RIN2: variants seen among roughly 807,000 people sequenced by gnomAD.
RIN2 encodes Ras and Rab interactor 2.
Under a neutral mutation model 78.0 loss-of-function variants are expected in RIN2, and 36 were observed. The observed-to-expected ratio is 0.46, with a 90% CI of 0.35 to 0.61. The LOEUF is 0.61. RIN2 is among the 20% of genes least tolerant of loss of function. The pLI, the probability that RIN2 is intolerant of heterozygous loss-of-function variation, is 0.00. For synonymous variants in RIN2, 466 were observed against 466.8 expected, an observed-to-expected ratio of 1.00 and a Z score of 0.02; for missense variants, 1,087 against 1,159.7, an observed-to-expected ratio of 0.94 and a Z score of 0.91.
intron 2 of RIN2, among the ~76,000 whole-genome samples, chr20:19,863,720 G>C (rs1030880498): frequency 7.2e-5 from 11 of 152,168 alleles, no homozygotes; most frequent in African/African-American, 2.4e-4. Context: ...TTGCTTCTGG[G>C]AGAAGGCAAA....
intron 4 of RIN2, among the ~76,000 whole-genome samples, chr20:19,939,470 G>A (rs2040775830): frequency 6.6e-6 from 1 of 152,202 alleles, no homozygotes; most frequent in African/African-American, 2.4e-5. Flanking sequence ...GCAGCATGGT[G>A]AACCTTTTAG....
chr20:19,814,019 G>C (rs1214791279), intron 2 of RIN2, among the ~76,000 whole-genome samples: 3 of 152,174 alleles, frequency 2.0e-5, no homozygotes, highest in Non-Finnish European at 2.9e-5. Context: ...ACAGCAAAAT[G>C]TGCTAAATAG....
At chr20:19,942,661 G>A (rs1307935875) in intron 4 of RIN2, among the ~76,000 whole-genome samples, 1 of 152,178 alleles carries the variant, frequency 6.6e-6, no homozygotes, top group Non-Finnish European at 1.5e-5. Context: ...CATTTAAATG[G>A]TAGATCATGC....
intron 2 of RIN2, among the ~76,000 whole-genome samples, chr20:19,813,345 G>A (rs542796099): frequency 6.6e-6 from 1 of 152,332 alleles, no homozygotes; most frequent in Admixed American, 6.5e-5. Context: ...TAGGTCAGTT[G>A]GCTTGTACTT....
In RIN2 at chr20:19,827,500, A is replaced by G. The variant is rs146861536; in HGVS notation, c.-37+27753A>G. The stretch of plus-strand genomic sequence containing the variant: ...TACTGCCTTCTCTGTTTTTGAAGCC[A>G]AGGACCAACATTATCTACCAGCTTT... On this transcript the variant is annotated intron_variant, in intron 2 of 12. Coordinates refer to ENST00000255006, the MANE Select transcript of RIN2 (RefSeq NM_018993.4). Among the ~76,000 whole-genome samples the G allele has an allele frequency of 7.6e-4, 116 of 152,326 alleles. 2 individuals are homozygous for G. In the East Asian group the frequency reaches 0.021, roughly 28 times the overall value.
chr20:19,842,059 C>A (rs1174590471), intron 2 of RIN2, among the ~76,000 whole-genome samples: 1 of 152,182 alleles, frequency 6.6e-6, no homozygotes, highest in East Asian at 1.9e-4. Flanking sequence ...GGGGCTAATG[C>A]AGTTGGCAAC....
At chr20:19,966,619 G>T (rs777520733) in intron 7 of RIN2, among the ~76,000 whole-genome samples, 1 of 152,052 alleles carries the variant, frequency 6.6e-6, no homozygotes, top group Non-Finnish European at 1.5e-5. Context: ...CACCATGCCC[G>T]GCCAGGAGCC....
chr20:19,960,862 T>C, intron 6 of RIN2, 51 bp downstream of exon 6: 2 of 1,153,552 alleles, frequency 1.7e-6, no homozygotes, highest in Non-Finnish European at 2.5e-6. Context: ...CACGGGGCTC[T>C]GCAGGGAGTG....
At chr20:19,945,681 T>A (rs1432955367) in intron 4 of RIN2, among the ~76,000 whole-genome samples, 1 of 152,134 alleles carries the variant, frequency 6.6e-6, no homozygotes, top group Non-Finnish European at 1.5e-5. Context: ...ATCTTTCTTA[T>A]CATTTTTTTT....
chr20:19,773,010 T>G (rs1283372301), intron 1 of RIN2, among the ~76,000 whole-genome samples: 5 of 152,166 alleles, frequency 3.3e-5, no homozygotes, highest in African/African-American at 7.2e-5. Flanking sequence ...CAACAGAAAT[T>G]TATTGTCTCA....
intron 6 of RIN2, among the ~76,000 whole-genome samples, chr20:19,962,629 C>A (rs953426400): frequency 6.6e-6 from 1 of 152,224 alleles, no homozygotes; most frequent in Admixed American, 6.5e-5. Flanking sequence ...GGCCTGGGTC[C>A]CACTGCAATG....
At chr20:19,991,135 G>A (rs758519011) in intron 10 of RIN2, among the ~76,000 whole-genome samples, 21 of 152,192 alleles carry the variant, frequency 1.4e-4, no homozygotes, top group Admixed American at 6.5e-5. Context: ...AACACAGGCT[G>A]TATTAACCAC....
At chr20:19,866,412 C>A (rs1472290622) in intron 2 of RIN2, among the ~76,000 whole-genome samples, 1 of 152,052 alleles carries the variant, frequency 6.6e-6, no homozygotes, top group Non-Finnish European at 1.5e-5. Flanking sequence ...TTCTTGTAAC[C>A]TCTGAAAAGA....
At chr20:19,861,574 A>ATGATCACCCTCCATATCTGG (rs1568551655) in intron 2 of RIN2, among the ~76,000 whole-genome samples, 16 of 148,288 alleles carry the variant, frequency 1.1e-4, no homozygotes, top group African/African-American at 3.0e-4. Context: ...TCCATATCTG[A>ATGATCACCCTCCATATCTGG]TGATCACCCT....
chr20:19,845,902 G>T (rs1392717941), intron 2 of RIN2, among the ~76,000 whole-genome samples: 1 of 152,158 alleles, frequency 6.6e-6, no homozygotes, highest in Non-Finnish European at 1.5e-5. Flanking sequence ...GTTAATTTCT[G>T]TATAAGGTTT....
At chr20:19,871,626 G>A (rs994421077) in intron 2 of RIN2, among the ~76,000 whole-genome samples, 2 of 152,202 alleles carry the variant, frequency 1.3e-5, no homozygotes, top group African/African-American at 2.4e-5. Context: ...TTGGCTGGGA[G>A]TTAGGGCATG....
At chr20:19,770,505 T>A (rs1600409222) in intron 1 of RIN2, among the ~76,000 whole-genome samples, 1 of 152,194 alleles carries the variant, frequency 6.6e-6, no homozygotes, top group East Asian at 1.9e-4. Context: ...AATGAGCATT[T>A]CTAAGGGGAC....
At chr20:19,822,178 C>T (rs2035945822) in intron 2 of RIN2, among the ~76,000 whole-genome samples, 1 of 152,100 alleles carries the variant, frequency 6.6e-6, no homozygotes, top group Non-Finnish European at 1.5e-5. Flanking sequence ...TCCTGGGAGA[C>T]CTGCAGACTA....
rs767397919 is a variant in RIN2 at position 20,000,876 on chromosome 20, C to A, written c.2628C>A (p.Ile876=). ...TCTTCCACTTTGTCTACAAACGCATCAAGAACGATCCTTATGGCATCATTT... is the reference window on the plus strand; with the variant it reads ...TCTTCCACTTTGTCTACAAACGCATAAAGAACGATCCTTATGGCATCATTT... ...PHIFHFVYKR[I]KNDPYGIIFQ... The change falls in exon 13 of 13, where the codon ATC becomes ATA. Residue 876 remains isoleucine, a synonymous_variant. Transcript: ENST00000255006. 7 of 1,614,012 alleles carry A rather than the reference C, an allele frequency of 4.3e-6. No individual in the cohort carries two copies. The highest frequency in any genetic ancestry group is 5.9e-6 in the Non-Finnish European group (7 of 1,179,896).
Sources: gnomAD v4.1 joint callset for allele counts (sites outside exome capture counted in the v4.1 genomes callset) on GRCh38, gnomAD v4.1.1 for gene constraint, MANE v1.5 for transcripts, NCBI Gene and HGNC (gene_info 2026-07-23, HGNC 2026-07-21) for gene names.